ATP9B: variants seen among roughly 807,000 people sequenced by gnomAD.
ATP9B encodes probable phospholipid-transporting ATPase IIB.
A neutral mutation model predicts 146.1 loss-of-function variants in ATP9B; 110 were observed. The observed-to-expected ratio is 0.75, with a 90% CI of 0.65 to 0.88. The LOEUF (loss-of-function observed/expected upper bound fraction) is 0.88, where lower values mean the gene tolerates loss of function less well. ATP9B is among the 40% of genes least tolerant of loss of function. The pLI is 0.00. For synonymous variants in ATP9B, 604 were observed against 569.7 expected, an observed-to-expected ratio of 1.06 and a Z score of -0.86; for missense variants, 1,499 against 1,496.4, an observed-to-expected ratio of 1.00 and a Z score of -0.03.
intron 13 of ATP9B, among the ~76,000 whole-genome samples, chr18:79,286,078 T>C (rs1480492118): frequency 1.3e-5 from 2 of 151,694 alleles, no homozygotes; most frequent in Admixed American, 1.3e-4. Context: ...TTCTTTTGGC[T>C]TAGGATTGAC....
At chr18:79,370,596 G>T (rs1382542929) in intron 26 of ATP9B, among the ~76,000 whole-genome samples, 1 of 152,210 alleles carries the variant, frequency 6.6e-6, no homozygotes, top group Non-Finnish European at 1.5e-5. Flanking sequence ...GCTACAGTCT[G>T]GGAGCCATTA....
intron 15 of ATP9B, among the ~76,000 whole-genome samples, chr18:79,326,810 G>C (rs575135063): frequency 1.3e-5 from 2 of 152,212 alleles, no homozygotes; most frequent in Non-Finnish European, 2.9e-5. Context: ...TGTCTGGAGG[G>C]CTCCTGTGAG....
chr18:79,227,555 T>G (rs1437514436), intron 11 of ATP9B, among the ~76,000 whole-genome samples: 1 of 152,192 alleles, frequency 6.6e-6, no homozygotes, highest in Non-Finnish European at 1.5e-5. Flanking sequence ...CAGGGGTTTC[T>G]TCTAGTTTTT....
At chr18:79,069,654 C>T (rs2071472459) in intron 1 of ATP9B, 125 bp downstream of exon 1, 1 of 571,482 alleles carries the variant, frequency 1.7e-6, no homozygotes, top group South Asian at 6.4e-5. Context: ...TCGCTGGGAG[C>T]CGGGAGTCCT....
intron 9 of ATP9B, among the ~76,000 whole-genome samples, chr18:79,202,960 G>T (rs2095502057): frequency 6.6e-6 from 1 of 152,168 alleles, no homozygotes; most frequent in Non-Finnish European, 1.5e-5. Flanking sequence ...CTTGGACTTT[G>T]ACATTAGGAG....
chr18:79,176,758 G>GA (rs1406591356), intron 7 of ATP9B, 55 bp from the exon 8 acceptor site: 4 of 1,490,682 alleles, frequency 2.7e-6, no homozygotes, highest in Non-Finnish European at 3.7e-6. Flanking sequence ...TGTAGCTCAG[G>GA]AAAAACCTTC....
At chr18:79,132,396 A>G (rs1050218252) in intron 5 of ATP9B, among the ~76,000 whole-genome samples, 8 of 152,174 alleles carry the variant, frequency 5.3e-5, no homozygotes. Context: ...GCATCGTCCA[A>G]GCGGGAGTTG....
At chr18:79,335,833 A>C (rs1256941328) in intron 17 of ATP9B, among the ~76,000 whole-genome samples, 1 of 152,260 alleles carries the variant, frequency 6.6e-6, no homozygotes, top group Non-Finnish European at 1.5e-5. Flanking sequence ...ATTTCTATGA[A>C]GGAGGAAACA....
intron 1 of ATP9B, among the ~76,000 whole-genome samples, chr18:79,074,421 C>T (rs79125790): frequency 0.036 from 5,533 of 152,222 alleles, 339 homozygotes; most frequent in African/African-American, 0.12. Flanking sequence ...GGTGCCACCT[C>T]GATGCTCTGA....
chr18:79,234,776 A>G (rs985229422), intron 11 of ATP9B, among the ~76,000 whole-genome samples: 1 of 152,204 alleles, frequency 6.6e-6, no homozygotes, highest in Non-Finnish European at 1.5e-5. Flanking sequence ...GAGATAATCA[A>G]CGGACGGTAT....
chr18:79,303,640 T>A lies in ATP9B; in HGVS notation c.1448T>A (p.Leu483Gln). 1 of 1,614,062 alleles carries A rather than the reference T, an allele frequency of 6.2e-7. No homozygotes were observed. Among genetic ancestry groups the A allele is most frequent in the East Asian group, 2.2e-5 (1 of 44,874 alleles). The change falls in exon 14 of 30, where the codon CTG (leucine) becomes CAG (glutamine). Residue 483 changes from leucine (L) to glutamine (Q), a missense_variant. Transcript: ENST00000426216. ...CAGAATGAAATGATATTTAAGCGGCTGCACCTGGGCACCGTGTCCTATGGC... is the reference window on the plus strand; with the variant it reads ...CAGAATGAAATGATATTTAAGCGGCAGCACCTGGGCACCGTGTCCTATGGC... ...LTQNEMIFKR[L>Q]HLGTVSYGAD...
At chr18:79,312,353 A>G (rs1181473509) in intron 15 of ATP9B, among the ~76,000 whole-genome samples, 2 of 152,194 alleles carry the variant, frequency 1.3e-5, no homozygotes, top group Non-Finnish European at 2.9e-5. Flanking sequence ...TATTCAGAGC[A>G]TTTTGTTCAG....
At chr18:79,190,466 A>G (rs1461029336) in intron 8 of ATP9B, among the ~76,000 whole-genome samples, 1 of 151,528 alleles carries the variant, frequency 6.6e-6, no homozygotes, top group African/African-American at 2.4e-5. Flanking sequence ...TTTAATATGT[A>G]GTATATCTAC....
chr18:79,121,272 C>G (rs1445263270), intron 4 of ATP9B, among the ~76,000 whole-genome samples: 1 of 152,232 alleles, frequency 6.6e-6, no homozygotes, highest in Non-Finnish European at 1.5e-5. Context: ...TGTGGACAAG[C>G]CACGTGAGAA....
At chr18:79,360,986 A>C (rs1402736424) in intron 26 of ATP9B, 1 of 152,222 alleles carries the variant, frequency 6.6e-6, no homozygotes, top group African/African-American at 2.4e-5. Context: ...TCATTCCCAG[A>C]GACTCTAAAA....
At chr18:79,215,072 C>T (rs1010262764) in intron 11 of ATP9B, among the ~76,000 whole-genome samples, 5 of 145,570 alleles carry the variant, frequency 3.4e-5, no homozygotes, top group Non-Finnish European at 3.0e-5. Context: ...AGCTCAAACC[C>T]GGGAGGTGGC....
chr18:79,226,259 G>A (rs2095733230), intron 11 of ATP9B, among the ~76,000 whole-genome samples: 1 of 152,190 alleles, frequency 6.6e-6, no homozygotes, highest in Non-Finnish European at 1.5e-5. Context: ...TTGCTCTGTG[G>A]CGAGCCCCAG....
intron 1 of ATP9B, among the ~76,000 whole-genome samples, chr18:79,075,937 A>C (rs1165005950): frequency 6.6e-6 from 1 of 152,002 alleles, no homozygotes; most frequent in Non-Finnish European, 1.5e-5. Flanking sequence ...CTTTGTGTAG[A>C]TATTACTTAG....
chr18:79,218,508 C>T lies in ATP9B; in HGVS notation c.1107+4470C>T, dbSNP rs573375284. 5.3e-5 allele frequency among the ~76,000 whole-genome samples: 8 copies of T among 152,184 alleles called. No homozygotes were observed. In the South Asian group the frequency reaches 1.5e-3, roughly 28 times the overall value. On this transcript the variant is annotated intron_variant, in intron 11 of 29. Coordinates refer to ENST00000426216, the MANE Select transcript of ATP9B (RefSeq NM_198531.5). ...GTGTTCCGTGTCCGGCACAGGCTGG[C>T]AGCTCCTGTTTCTTGTCGTATTTTC...
Sources: allele counts gnomAD v4.1 joint callset (sites outside exome capture counted in the v4.1 genomes callset), GRCh38; gene constraint gnomAD v4.1.1; transcripts MANE v1.5; gene names NCBI Gene and HGNC (gene_info 2026-07-23, HGNC 2026-07-21).